The following CDH23 variants were observed in gnomAD, a reference collection of about 807,000 sequenced individuals.
CDH23 encodes cadherin related 23.
In CDH23, 189 loss-of-function variants were observed where a neutral mutation model predicts 317.1. That is an observed-to-expected ratio of 0.60 (90% confidence interval 0.53 to 0.67). CDH23 has a LOEUF of 0.67. Among genes scored for constraint, CDH23 ranks in the 30% least tolerant of loss-of-function variants. The pLI, the probability that CDH23 is intolerant of heterozygous loss-of-function variation, is 0.00. For missense variants in CDH23, 4,401 were observed against 4,592.4 expected (o/e 0.96, Z 1.20); for synonymous variants, 1,839 against 1,876.8 (o/e 0.98, Z 0.52).
intron 9 of CDH23, among the ~76,000 whole-genome samples, chr10:71,589,854 T>G (rs1421776027): frequency 2.0e-5 from 3 of 152,248 alleles, no homozygotes; most frequent in Non-Finnish European, 4.4e-5. Flanking sequence ...CTTGGATGTG[T>G]GGGAACGGAC....
chr10:71,607,738 A>G (rs1383994287), intron 9 of CDH23, among the ~76,000 whole-genome samples: 1 of 152,188 alleles, frequency 6.6e-6, no homozygotes, highest in African/African-American at 2.4e-5. Context: ...CCCTGTCTCT[A>G]CAAAACATAC....
chr10:71,455,309 C>T (rs1253217612), intron 3 of CDH23, among the ~76,000 whole-genome samples: 1 of 152,036 alleles, frequency 6.6e-6, no homozygotes. Context: ...TGATGTAATA[C>T]TATTAATGAG....
At chr10:71,716,289 G>A in intron 28 of CDH23, 1 of 1,522,374 alleles carries the variant, frequency 6.6e-7, no homozygotes, top group Non-Finnish European at 8.8e-7. Context: ...AGAAAGGCGA[G>A]GGGGCTGATG....
At chr10:71,664,196 C>T (rs2132640044) in intron 14 of CDH23, among the ~76,000 whole-genome samples, 1 of 152,314 alleles carries the variant, frequency 6.6e-6, no homozygotes, top group East Asian at 1.9e-4. Flanking sequence ...AGACACCGGC[C>T]ACCCTGACAG....
In CDH23 at chr10:71,811,391, C is replaced by T; in HGVS notation, c.9154C>T (p.Pro3052Ser). ...FRNYNVLDVQ[P>S]AISVRLPDDM... is the part of the protein sequence containing the mutation. ...GAACTACAACGTCCTGGACGTGCAG[C>T]CTGCCATCTCTGTCCGGCTGCCGGA... Residue 3052 changes from proline to serine, a missense_variant, in exon 63 of 70, where the codon CCT (proline) becomes TCT (serine). Physicochemically the swap from Pro to Ser is moderately conservative, Grantham distance 74. Coordinates refer to ENST00000224721, the MANE Select transcript of CDH23 (RefSeq NM_022124.6). 6.2e-7 allele frequency: 1 copy of T among 1,613,936 alleles called. No homozygotes were observed. The highest frequency in any genetic ancestry group is 8.5e-7 in the Non-Finnish European group (1 of 1,179,882).
At chr10:71,482,790 G>C (rs750960416) in intron 3 of CDH23, among the ~76,000 whole-genome samples, 2 of 152,212 alleles carry the variant, frequency 1.3e-5, no homozygotes, top group Non-Finnish European at 2.9e-5. Flanking sequence ...GGGATTAGGT[G>C]GTGTCAGGTG....
chr10:71,399,615 T>A (rs551220315), intron 1 of CDH23, among the ~76,000 whole-genome samples: 1 of 152,094 alleles, frequency 6.6e-6, no homozygotes, highest in African/African-American at 2.4e-5. Context: ...AAACTGTACA[T>A]GGAACTGGGT....
At chr10:71,564,760 C>CTGTTGT (rs747601796) in intron 6 of CDH23, among the ~76,000 whole-genome samples, 13 of 152,168 alleles carry the variant, frequency 8.5e-5, no homozygotes, top group African/African-American at 2.9e-4. Flanking sequence ...ACCCTGTTTC[C>CTGTTGT]TGTTGTTGTT....
intron 6 of CDH23, among the ~76,000 whole-genome samples, chr10:71,541,815 G>A (rs372989585): frequency 4.6e-5 from 7 of 152,212 alleles, no homozygotes; most frequent in African/African-American, 1.4e-4. Flanking sequence ...ATAAAAGACT[G>A]AGGACAACGT....
intron 3 of CDH23, among the ~76,000 whole-genome samples, chr10:71,447,258 G>C (rs1199375774): frequency 6.6e-6 from 1 of 152,142 alleles, no homozygotes; most frequent in African/African-American, 2.4e-5. Context: ...AGGATGGCTC[G>C]GAGTGGGGCG....
At chr10:71,652,639 G>A (rs1301654822) in intron 14 of CDH23, among the ~76,000 whole-genome samples, 1 of 152,192 alleles carries the variant, frequency 6.6e-6, no homozygotes, top group Admixed American at 6.5e-5. Context: ...GCCTACCTTG[G>A]AGGATTGTTG....
At chr10:71,507,596 G>A (rs1213575605) in intron 3 of CDH23, among the ~76,000 whole-genome samples, 5 of 152,186 alleles carry the variant, frequency 3.3e-5, no homozygotes, top group African/African-American at 4.8e-5. Context: ...GGGAGGCTGA[G>A]GCAGGAGAAG....
chr10:71,633,169 A>T lies in CDH23; in HGVS notation c.1135-10692A>T, dbSNP rs2394833. ...GTCCATTCATGGGTGCAGAGCCCTC[A>T]CGATCCAATCACCTCTTAAAGGCCC... On this transcript the variant is annotated intron_variant, in intron 11 of 69. Transcript: ENST00000224721. Among the ~76,000 whole-genome samples the T allele has an allele frequency of 5.3e-5, 8 of 151,776 alleles. No homozygotes were observed. The East Asian group carries it at 1.4e-3, about 26-fold the overall frequency.
chr10:71,612,397 C>T (rs901911895), intron 9 of CDH23, among the ~76,000 whole-genome samples: 6 of 151,834 alleles, frequency 4.0e-5, no homozygotes, highest in Non-Finnish European at 2.9e-5. Flanking sequence ...GCAGTGTGTA[C>T]GTGAACGGGG....
At position 71,615,491 on chromosome 10, in the gene CDH23, C is replaced by G. The variant is rs1438493075; in HGVS notation, c.833-13C>G. On this transcript the variant is annotated splice_polypyrimidine_tract_variant and intron_variant, in intron 9 of 69. Coordinates refer to ENST00000224721, the MANE Select transcript of CDH23 (RefSeq NM_022124.6). ...TGTGCCTGGTCACACCTGAATGCTT[C>G]TCTCTCTTGCAGGGAATACCAACAG... is the stretch of plus-strand genomic sequence containing the variant. 1 of 1,575,380 alleles carries G rather than the reference C, an allele frequency of 6.3e-7. No individual in the cohort carries two copies. The highest frequency in any genetic ancestry group is 1.4e-5 in the African/African-American group (1 of 73,994).
chr10:71,536,064 C>T (rs1019155037), intron 6 of CDH23, among the ~76,000 whole-genome samples: 2 of 152,250 alleles, frequency 1.3e-5, no homozygotes, highest in Admixed American at 1.3e-4. Context: ...AAGGTGCACG[C>T]GCCTTGCTGT....
At chr10:71,421,537 G>A (rs1848817391) in intron 1 of CDH23, among the ~76,000 whole-genome samples, 2 of 152,012 alleles carry the variant, frequency 1.3e-5, no homozygotes, top group Non-Finnish European at 2.9e-5. Flanking sequence ...CTGAAAGCTG[G>A]GAAAATACAA....
At chr10:71,579,722 G>A (rs1858493154) in intron 9 of CDH23, among the ~76,000 whole-genome samples, 1 of 152,158 alleles carries the variant, frequency 6.6e-6, no homozygotes, top group Admixed American at 6.5e-5. Context: ...GGGAATCGAG[G>A]CCCTTTCTAG....
intron 14 of CDH23, among the ~76,000 whole-genome samples, chr10:71,668,378 C>T (rs1397656234): frequency 6.6e-6 from 1 of 152,212 alleles, no homozygotes. Flanking sequence ...CATGGCCGAG[C>T]TCTCAAGCTC....
Sources: allele counts gnomAD v4.1 joint callset (sites outside exome capture counted in the v4.1 genomes callset), GRCh38; gene constraint gnomAD v4.1.1; transcripts MANE v1.5; gene names NCBI Gene and HGNC (gene_info 2026-07-23, HGNC 2026-07-21).